Variants in DLG2 observed in about 807,000 individuals in gnomAD.
DLG2 encodes the protein disks large homolog 2.
A neutral mutation model predicts 132.5 loss-of-function variants in DLG2; 45 were observed. The ratio of observed to expected loss-of-function variants is 0.34; its 90% confidence interval spans 0.27 to 0.44. The LOEUF is 0.44. Among genes scored for constraint, DLG2 ranks in the 20% least tolerant of loss-of-function variants. The pLI is 1.00. For synonymous variants in DLG2, 424 were observed against 419.6 expected (o/e 1.01, Z -0.13); for missense variants, 1,045 against 1,196.9 (o/e 0.87, Z 1.87).
chr11:85,405,246 T>A (rs1168061729), intron 3 of DLG2, among the ~76,000 whole-genome samples: 1 of 151,990 alleles, frequency 6.6e-6, no homozygotes, highest in African/African-American at 2.4e-5. Flanking sequence ...TATTCAACAT[T>A]TTGTGGCTCA....
chr11:84,308,724 C>A (rs1599589499), intron 7 of DLG2, among the ~76,000 whole-genome samples: 1 of 152,298 alleles, frequency 6.6e-6, no homozygotes, highest in East Asian at 1.9e-4. Flanking sequence ...GAGCGCAGCG[C>A]CGGTGGGCCG....
intron 6 of DLG2, among the ~76,000 whole-genome samples, chr11:84,586,520 C>T (rs2099530277): frequency 6.6e-6 from 1 of 152,144 alleles, no homozygotes; most frequent in African/African-American, 2.4e-5. Context: ...AGGCTTCTGT[C>T]TCATCAAATG....
At chr11:84,117,863 A>G (rs2093708833) in intron 9 of DLG2, among the ~76,000 whole-genome samples, 1 of 151,808 alleles carries the variant, frequency 6.6e-6, no homozygotes, top group African/African-American at 2.4e-5. Context: ...TTATTTATTT[A>G]TTTATTTTTG....
chr11:83,618,975 A>G (rs1441403183), intron 19 of DLG2, among the ~76,000 whole-genome samples: 2 of 152,158 alleles, frequency 1.3e-5, no homozygotes, highest in Non-Finnish European at 2.9e-5. Context: ...CCTCAAAGAC[A>G]TGTCTGATTC....
At chr11:84,238,525 A>G (rs1031562030) in intron 8 of DLG2, among the ~76,000 whole-genome samples, 2 of 151,928 alleles carry the variant, frequency 1.3e-5, no homozygotes, top group East Asian at 3.9e-4. Flanking sequence ...GTCTCAAAAA[A>G]GAAAAAGAAA....
intron 4 of DLG2, among the ~76,000 whole-genome samples, chr11:85,223,155 T>C (rs2074763143): frequency 6.6e-6 from 1 of 152,180 alleles, no homozygotes; most frequent in East Asian, 1.9e-4. Flanking sequence ...TAAGGTATAA[T>C]CTATTAAAAG....
intron 18 of DLG2, among the ~76,000 whole-genome samples, chr11:83,715,593 G>A (rs1289151725): frequency 2.6e-5 from 4 of 152,042 alleles, no homozygotes; most frequent in African/African-American, 9.7e-5. Context: ...TTTTTCTAAT[G>A]GCAAAATTGA....
intron 5 of DLG2, among the ~76,000 whole-genome samples, chr11:85,147,848 C>G (rs936264492): frequency 6.6e-6 from 1 of 152,150 alleles, no homozygotes; most frequent in South Asian, 2.1e-4. Context: ...AACCAATCAT[C>G]TAGGTCTTAA....
At chr11:84,409,859 C>T (rs537543278) in intron 7 of DLG2, among the ~76,000 whole-genome samples, 5 of 152,202 alleles carry the variant, frequency 3.3e-5, no homozygotes, top group South Asian at 2.1e-4. Context: ...CTCCCTTCAC[C>T]GGGAAGGCCA....
At chr11:84,915,601 C>T (rs1258778299) in intron 6 of DLG2, among the ~76,000 whole-genome samples, 1 of 152,056 alleles carries the variant, frequency 6.6e-6, no homozygotes, top group African/African-American at 2.4e-5. Context: ...TTTCAGATTC[C>T]CAGGCTGCTT....
chr11:84,713,337 CTACTA>C (rs1218235866), intron 6 of DLG2, among the ~76,000 whole-genome samples: 1 of 152,096 alleles, frequency 6.6e-6, no homozygotes, highest in African/African-American at 2.4e-5. Context: ...ACCAGGGTAA[CTACTA>C]TACCCATCTC....
At chr11:84,993,593 C>A (rs896045253) in intron 6 of DLG2, among the ~76,000 whole-genome samples, 2 of 152,158 alleles carry the variant, frequency 1.3e-5, no homozygotes, top group Non-Finnish European at 2.9e-5. Context: ...TACTTTACTG[C>A]CTCGCCACTG....
chr11:84,311,292 C>T (rs1274978021), intron 7 of DLG2, among the ~76,000 whole-genome samples: 1 of 152,106 alleles, frequency 6.6e-6, no homozygotes, highest in Non-Finnish European at 1.5e-5. Context: ...AAAAAACATA[C>T]TTTAGATATC....
At chr11:84,706,435 CATT>C (rs2059790302) in intron 6 of DLG2, among the ~76,000 whole-genome samples, 1 of 151,666 alleles carries the variant, frequency 6.6e-6, no homozygotes, top group Admixed American at 6.6e-5. Flanking sequence ...TAAATGATCT[CATT>C]AATATTTTCT....
At chr11:83,928,872 A>G (rs928744486) in intron 15 of DLG2, among the ~76,000 whole-genome samples, 1 of 152,220 alleles carries the variant, frequency 6.6e-6, no homozygotes. Flanking sequence ...GTAGCTGACT[A>G]TAGGTACATA....
intron 6 of DLG2, among the ~76,000 whole-genome samples, chr11:84,880,826 T>C (rs188050920): frequency 3.3e-5 from 5 of 152,262 alleles, no homozygotes; most frequent in Admixed American, 2.0e-4. Flanking sequence ...CTAAGCTCTT[T>C]CAATAATTTA....
At chr11:84,866,128 C>T (rs980321202) in intron 6 of DLG2, among the ~76,000 whole-genome samples, 23 of 152,316 alleles carry the variant, frequency 1.5e-4, no homozygotes, top group African/African-American at 5.3e-4. Flanking sequence ...AGGGTAATCT[C>T]AAATTTCAAT....
chr11:84,642,065 CGTGTGTGTGTGTGTGTGT>C (rs2099667547), intron 6 of DLG2, among the ~76,000 whole-genome samples: 1 of 138,104 alleles, frequency 7.2e-6, no homozygotes. Context: ...TATACGCACG[CGTGTGTGTGTGTGTGTGT>C]ATATGTAGAG....
intron 6 of DLG2, among the ~76,000 whole-genome samples, chr11:85,100,468 G>A (rs1330870874): frequency 3.9e-5 from 6 of 152,236 alleles, no homozygotes; most frequent in African/African-American, 1.2e-4. Flanking sequence ...AGAAAAAGAC[G>A]ATTTTAACAA....
Sources: gnomAD v4.1 joint callset for allele counts (sites outside exome capture counted in the v4.1 genomes callset) on GRCh38, gnomAD v4.1.1 for gene constraint, MANE v1.5 for transcripts, NCBI Gene and HGNC (gene_info 2026-07-23, HGNC 2026-07-21) for gene names.